The following TBCA variants were observed in gnomAD, a reference collection of about 807,000 sequenced individuals.
The protein encoded by TBCA is tubulin-specific chaperone A.
Under a neutral mutation model 15.8 loss-of-function variants are expected in TBCA, and 6 were observed. That is an observed-to-expected ratio of 0.38 (90% CI 0.21 to 0.75). TBCA has a LOEUF of 0.75. Among genes scored for constraint, TBCA ranks in the 30% least tolerant of loss-of-function variants. TBCA has a pLI of 0.46. For synonymous variants in TBCA, 32 were observed against 42.3 expected, an observed-to-expected ratio of 0.76 and a Z score of 0.94; for missense variants, 90 against 131.2, an observed-to-expected ratio of 0.69 and a Z score of 1.53.
At chr5:77,773,127 CAGTCTGGTAAA>C (rs1238550657) in intron 1 of TBCA, among the ~76,000 whole-genome samples, 5 of 152,122 alleles carry the variant, frequency 3.3e-5, no homozygotes, top group South Asian at 4.1e-4. Flanking sequence ...AAAAGTGAAC[CAGTCTGGTAAA>C]AGTCTGGTAA....
At chr5:77,729,071 T>C (rs1037033491) in intron 1 of TBCA, among the ~76,000 whole-genome samples, 1 of 152,140 alleles carries the variant, frequency 6.6e-6, no homozygotes, top group African/African-American at 2.4e-5. Context: ...CCCAGCACTT[T>C]GGGAGGCCGA....
chr5:77,701,950 C>A (rs377272213), intron 2 of TBCA, among the ~76,000 whole-genome samples: 31 of 151,808 alleles, frequency 2.0e-4, no homozygotes, highest in South Asian at 1.5e-3. Context: ...GAAAAGGAAA[C>A]ATCATATGTT....
intron 1 of TBCA, among the ~76,000 whole-genome samples, chr5:77,709,502 G>A (rs1162487294): frequency 2.6e-5 from 4 of 152,260 alleles, no homozygotes; most frequent in South Asian, 2.1e-4. Context: ...TAGCACATAT[G>A]TAATAAAAAT....
intron 1 of TBCA, among the ~76,000 whole-genome samples, chr5:77,770,448 G>C (rs1020800826): frequency 4.6e-5 from 7 of 152,138 alleles, no homozygotes; most frequent in African/African-American, 1.4e-4. Context: ...AGTTACAGAA[G>C]AGGTGACCAA....
chr5:77,703,262 T>C (rs1200565977), intron 2 of TBCA, among the ~76,000 whole-genome samples: 3 of 151,042 alleles, frequency 2.0e-5, no homozygotes, highest in African/African-American at 7.3e-5. Flanking sequence ...AAGAGATAAG[T>C]TGTGCCTCAG....
chr5:77,703,637 C>T lies in TBCA; in HGVS notation c.159+4605G>A, dbSNP rs575599914. On this transcript the variant is annotated intron_variant, in intron 2 of 3. Coordinates refer to ENST00000380377, the MANE Select transcript of TBCA (RefSeq NM_004607.3). Reference sequence around the variant, plus strand: ...TGTCACCCAGGCTGGAGTACAGTGGCATGATCACGGCTCACTGCAGCCTTG... The same window carrying T: ...TGTCACCCAGGCTGGAGTACAGTGGTATGATCACGGCTCACTGCAGCCTTG... 4.5e-4 allele frequency among the ~76,000 whole-genome samples: 69 copies of T among 152,220 alleles called. 1 individual carries two copies. Among genetic ancestry groups the T allele is most frequent in the African/African-American group, 1.7e-3 (69 of 41,544 alleles).
intron 1 of TBCA, among the ~76,000 whole-genome samples, chr5:77,713,661 A>G (rs1029842489): frequency 3.3e-5 from 5 of 152,220 alleles, no homozygotes; most frequent in African/African-American, 1.2e-4. Context: ...TTATTAGTGA[A>G]TGACAAAATG....
chr5:77,717,780 T>C (rs1223972133), intron 1 of TBCA, among the ~76,000 whole-genome samples: 1 of 150,266 alleles, frequency 6.7e-6, no homozygotes, highest in African/African-American at 2.5e-5. Flanking sequence ...TGCAGTGAGC[T>C]GAGATCGTGC....
intron 1 of TBCA, among the ~76,000 whole-genome samples, chr5:77,725,659 G>A (rs1746616824): frequency 6.6e-6 from 1 of 152,088 alleles, no homozygotes; most frequent in South Asian, 2.1e-4. Context: ...TACATTATGG[G>A]GCCGTTCCTC....
chr5:77,723,278 A>T (rs192379281), intron 1 of TBCA, among the ~76,000 whole-genome samples: 14 of 151,856 alleles, frequency 9.2e-5, no homozygotes, highest in East Asian at 7.7e-4. Context: ...ATTTTTTTTT[A>T]AAAAAAGTAA....
intron 1 of TBCA, among the ~76,000 whole-genome samples, chr5:77,712,551 T>C (rs1033136364): frequency 1.1e-4 from 16 of 152,116 alleles, no homozygotes; most frequent in African/African-American, 2.7e-4. Context: ...GTAATGTACA[T>C]ATGTACATAT....
At chr5:77,741,482 C>T (rs755588440) in intron 1 of TBCA, among the ~76,000 whole-genome samples, 9 of 151,812 alleles carry the variant, frequency 5.9e-5, no homozygotes, top group African/African-American at 1.5e-4. Context: ...TTTGATGGTG[C>T]GTGGGGCACA....
intron 1 of TBCA, among the ~76,000 whole-genome samples, chr5:77,762,050 G>A (rs943864692): frequency 6.6e-6 from 1 of 152,224 alleles, no homozygotes; most frequent in East Asian, 1.9e-4. Flanking sequence ...CACCAAAGCT[G>A]CTGTAGGTGA....
intron 2 of TBCA, among the ~76,000 whole-genome samples, chr5:77,694,088 T>A (rs1745820268): frequency 6.6e-6 from 1 of 152,176 alleles, no homozygotes; most frequent in Non-Finnish European, 1.5e-5. Context: ...TAATATCACA[T>A]GGAGATAATT....
At chr5:77,731,846 A>C (rs1746778715) in intron 1 of TBCA, among the ~76,000 whole-genome samples, 1 of 152,252 alleles carries the variant, frequency 6.6e-6, no homozygotes, top group Non-Finnish European at 1.5e-5. Flanking sequence ...TAATGGTAAA[A>C]TGAAAGAGTT....
intron 1 of TBCA, among the ~76,000 whole-genome samples, chr5:77,763,231 A>G (rs1026244778): frequency 1.3e-5 from 2 of 152,152 alleles, no homozygotes; most frequent in Non-Finnish European, 2.9e-5. Flanking sequence ...GCGACAGAGC[A>G]AGACTCCGTC....
intron 1 of TBCA, among the ~76,000 whole-genome samples, chr5:77,742,336 T>C (rs949820168): frequency 1.3e-5 from 2 of 152,158 alleles, no homozygotes; most frequent in Non-Finnish European, 2.9e-5. Flanking sequence ...GTACTCCCCC[T>C]TTTTGCACCT....
chr5:77,740,246 G>C (rs1747001645), intron 1 of TBCA, among the ~76,000 whole-genome samples: 2 of 152,186 alleles, frequency 1.3e-5, no homozygotes, highest in African/African-American at 4.8e-5. Context: ...AAGTTATACT[G>C]AAACAACCGA....
At chr5:77,693,474 G>T in intron 2 of TBCA, 122 bp from the exon 3 acceptor site, 2 of 1,140,162 alleles carry the variant, frequency 1.8e-6, no homozygotes, top group South Asian at 3.1e-5. Flanking sequence ...ATGTTAAATG[G>T]TTCAATATTT....
Sources: allele counts gnomAD v4.1 joint callset (sites outside exome capture counted in the v4.1 genomes callset), GRCh38; gene constraint gnomAD v4.1.1; transcripts MANE v1.5; gene names NCBI Gene and HGNC (gene_info 2026-07-23, HGNC 2026-07-21).